Variants in TOX3 observed in about 807,000 individuals in gnomAD.
TOX3 encodes the protein CAG trinucleotide repeat-containing gene F9 protein.
In TOX3, 22 loss-of-function variants were observed where a neutral mutation model predicts 64.3. The observed-to-expected ratio is 0.34, with a 90% confidence interval of 0.24 to 0.49. TOX3 has a LOEUF of 0.49. TOX3 is among the 20% of genes least tolerant of loss of function. The pLI is 0.99. For synonymous variants in TOX3, 291 were observed against 273.6 expected (o/e 1.06, Z -0.63); for missense variants, 661 against 714.4 (o/e 0.93, Z 0.85).
chr16:52,503,293 C>T (rs777157261), intron 1 of TOX3, among the ~76,000 whole-genome samples: 1 of 152,138 alleles, frequency 6.6e-6, no homozygotes, highest in Non-Finnish European at 1.5e-5. Flanking sequence ...AACTGACCTG[C>T]CATCTCTAGG....
chr16:52,439,174 C>T lies in TOX3; in HGVS notation c.*51G>A, dbSNP rs1959848377. The T allele has an allele frequency of 2.5e-6, 4 of 1,611,398 alleles. No homozygotes were observed. Among genetic ancestry groups the T allele is most frequent in the African/African-American group, 2.7e-5 (2 of 74,890 alleles). On this transcript the variant is annotated 3_prime_UTR_variant, in exon 7 of 7. Coordinates refer to ENST00000219746, the MANE Select transcript of TOX3 (RefSeq NM_001080430.4). ...AGGTTTCAGCCACATATGCTTTTCC[C>T]TCCTATGCCACTCTCCTTGGTATAC...
chr16:52,490,559 T>G (rs979914958), intron 1 of TOX3, among the ~76,000 whole-genome samples: 1 of 151,394 alleles, frequency 6.6e-6, no homozygotes, highest in African/African-American at 2.4e-5. Context: ...GTATATTTAG[T>G]ATATTTTTTA....
rs146688766 is a variant in TOX3 at position 52,448,915 on chromosome 16, C to T, written c.678+1362G>A. 2.3e-3 allele frequency among the ~76,000 whole-genome samples: 357 copies of T among 152,326 alleles called. 1 individual carries two copies. The highest frequency in any genetic ancestry group is 3.1e-3 in the Non-Finnish European group (214 of 68,024). ...CATGTTCCCCATGGGGGAGAACACT[C>T]CTCTCTTTGTGGGTTGCTCCTCTCA... On this transcript the variant is annotated intron_variant, in intron 4 of 6. Transcript: ENST00000219746.
chr16:52,504,466 CAAA>C (rs71141197), intron 1 of TOX3, among the ~76,000 whole-genome samples: 7 of 94,076 alleles, frequency 7.4e-5, no homozygotes, highest in Admixed American at 1.1e-4. Context: ...GACTCCGTCT[CAAA>C]AAAAAAAAAA....
At chr16:52,458,560 A>G (rs1392613345) in intron 3 of TOX3, among the ~76,000 whole-genome samples, 1 of 152,224 alleles carries the variant, frequency 6.6e-6, no homozygotes, top group Non-Finnish European at 1.5e-5. Context: ...ACAGGGAAAT[A>G]AACCACAGCC....
chr16:52,546,842 G>C lies in TOX3; in HGVS notation c.-119C>G, dbSNP rs1026093892. ...CCCGGGGGTGGCGCGTGGGACTCGC[G>C]GCCGGAGGGGCGCCGGGACCCAGAG... On this transcript the variant is annotated 5_prime_UTR_variant, in exon 1 of 7. Coordinates refer to ENST00000219746, the MANE Select transcript of TOX3 (RefSeq NM_001080430.4). 8.1e-7 allele frequency: 1 copy of C among 1,238,876 alleles called. No homozygotes were observed. Among genetic ancestry groups the C allele is most frequent in the East Asian group, 3.4e-5 (1 of 29,830 alleles). 76.7% of individuals were successfully genotyped at this position (1,238,876 alleles called of 1,614,324 possible).
At chr16:52,467,132 G>A (rs191852632) in intron 2 of TOX3, among the ~76,000 whole-genome samples, 1 of 152,262 alleles carries the variant, frequency 6.6e-6, no homozygotes, top group East Asian at 1.9e-4. Flanking sequence ...ATGCAAATCT[G>A]GAGAACTGTT....
intron 1 of TOX3, among the ~76,000 whole-genome samples, chr16:52,538,404 T>C (rs1399790958): frequency 6.6e-6 from 1 of 152,206 alleles, no homozygotes; most frequent in African/African-American, 2.4e-5. Flanking sequence ...TATTACAAAT[T>C]AGCTGTAGAA....
chr16:52,445,742 G>A, intron 5 of TOX3: 1 of 425,796 alleles, frequency 2.3e-6, no homozygotes, highest in Admixed American at 4.0e-5. Flanking sequence ...ATGCTTGCAG[G>A]ATACTGCCTG....
chr16:52,477,277 C>T (rs1473434898), intron 1 of TOX3, among the ~76,000 whole-genome samples: 2 of 152,156 alleles, frequency 1.3e-5, no homozygotes, highest in Non-Finnish European at 2.9e-5. Flanking sequence ...GGTAGAAAGC[C>T]AGGCTCTGGT....
intron 1 of TOX3, among the ~76,000 whole-genome samples, chr16:52,487,313 A>G (rs1961559252): frequency 6.6e-6 from 1 of 151,582 alleles, no homozygotes; most frequent in South Asian, 2.1e-4. Context: ...TGGAAAAAAA[A>G]AAAAGAAAGA....
rs140909457 is a variant in TOX3, at chr16:52,443,109, C to T, written c.987+1167G>A. Among the ~76,000 whole-genome samples the T allele has an allele frequency of 1.4e-4, 22 of 152,276 alleles. 1 individual carries two copies. In the East Asian group the frequency reaches 4.3e-3, roughly 29 times the overall value. ...TGGATAAATGAATGAATAAATGATT[C>T]ACTTAAGAAGTACATGCACACTGTT... is the stretch of plus-strand genomic sequence containing the variant. On this transcript the variant is annotated intron_variant, in intron 6 of 6. Transcript: ENST00000219746.
chr16:52,530,206 C>T (rs1021842997), intron 1 of TOX3, among the ~76,000 whole-genome samples: 1 of 152,092 alleles, frequency 6.6e-6, no homozygotes, highest in Non-Finnish European at 1.5e-5. Flanking sequence ...TCAGGAAAAG[C>T]GTCCCAGGAA....
chr16:52,449,850 G>A (rs930795613), intron 4 of TOX3, among the ~76,000 whole-genome samples: 3 of 152,220 alleles, frequency 2.0e-5, no homozygotes, highest in Non-Finnish European at 2.9e-5. Flanking sequence ...AAACATCACC[G>A]AAGCCGCAAG....
At chr16:52,544,137 GATTA>G (rs1348186184) in intron 1 of TOX3, among the ~76,000 whole-genome samples, 12 of 152,006 alleles carry the variant, frequency 7.9e-5, no homozygotes, top group Non-Finnish European at 1.3e-4. Context: ...AGTCTTTAGA[GATTA>G]ATTAATAATG....
Position 52,496,423 on chromosome 16 carries a change from C to T in TOX3, c.88-27849G>A, listed in dbSNP as rs1365675356. ...TGTATTGTTCAATATTTACAGGGTA[C>T]GTTATTTTATAAATGCTCCAGTTGG... On this transcript the variant is annotated intron_variant, in intron 1 of 6. Coordinates refer to ENST00000219746, the MANE Select transcript of TOX3 (RefSeq NM_001080430.4). Among the ~76,000 whole-genome samples the T allele has an allele frequency of 4.6e-5, 7 of 152,104 alleles. No individual in the cohort carries two copies. In the East Asian group the frequency reaches 9.6e-4, roughly 21 times the overall value.
intron 4 of TOX3, among the ~76,000 whole-genome samples, chr16:52,448,760 A>T (rs928219317): frequency 6.6e-6 from 1 of 152,202 alleles, no homozygotes; most frequent in Admixed American, 6.5e-5. Flanking sequence ...CTCTCTGAGA[A>T]GTCCTGATTA....
At position 52,436,612 on chromosome 16, in the gene TOX3, T is replaced by C. The variant is rs1367974237; in HGVS notation, c.*2613A>G. 6.6e-6 allele frequency among the ~76,000 whole-genome samples: 1 copy of C among 152,214 alleles called. No individual in the cohort carries two copies. The highest frequency in any genetic ancestry group is 1.5e-5 in the Non-Finnish European group (1 of 68,038). Reference sequence around the variant, plus strand: ...GAATTCTTTTCATGATTCAAGCCTTTTGACATTTTAAATATGTAGTTTTGC... The same window carrying C: ...GAATTCTTTTCATGATTCAAGCCTTCTGACATTTTAAATATGTAGTTTTGC... On this transcript the variant is annotated 3_prime_UTR_variant, in exon 7 of 7. Coordinates refer to ENST00000219746, the MANE Select transcript of TOX3 (RefSeq NM_001080430.4).
At chr16:52,471,628 GGA>G (rs1195811069) in intron 1 of TOX3, among the ~76,000 whole-genome samples, 1 of 152,114 alleles carries the variant, frequency 6.6e-6, no homozygotes, top group Non-Finnish European at 1.5e-5. Flanking sequence ...TTTGTTGAAG[GGA>G]GAGAGGGAGA....
Sources: allele counts gnomAD v4.1 joint callset (sites outside exome capture counted in the v4.1 genomes callset), GRCh38; gene constraint gnomAD v4.1.1; transcripts MANE v1.5; gene names NCBI Gene and HGNC (gene_info 2026-07-23, HGNC 2026-07-21).